GATB: variants seen among roughly 807,000 people sequenced by gnomAD.
The protein encoded by GATB is glutamyl-tRNA amidotransferase subunit B.
Under a neutral mutation model 62.3 loss-of-function variants are expected in GATB, and 39 were observed. The observed-to-expected ratio is 0.63, with a 90% confidence interval of 0.48 to 0.82. The LOEUF is 0.82. GATB is among the 40% of genes least tolerant of loss of function. The pLI is 0.00. For synonymous variants in GATB, 276 were observed against 258.9 expected (o/e 1.07, Z -0.63); for missense variants, 670 against 684.0 (o/e 0.98, Z 0.23).
chr4:151,700,980 A>C (rs888809190), intron 9 of GATB, among the ~76,000 whole-genome samples: 2 of 152,186 alleles, frequency 1.3e-5, no homozygotes, highest in African/African-American at 4.8e-5. Context: ...GAAACCCTAT[A>C]CATTGATTTT....
chr4:151,699,586 C>G (rs1322458614), intron 9 of GATB, among the ~76,000 whole-genome samples: 1 of 152,088 alleles, frequency 6.6e-6, no homozygotes, highest in African/African-American at 2.4e-5. Context: ...ATGTCCCTGC[C>G]CTCATGGAGC....
At chr4:151,701,139 G>A (rs991447152) in intron 9 of GATB, among the ~76,000 whole-genome samples, 190 bp downstream of exon 9, 1 of 152,164 alleles carries the variant, frequency 6.6e-6, no homozygotes. Flanking sequence ...GTTGTATGAA[G>A]AGCATTTACC....
chr4:151,718,234 G>A (rs1418065222), intron 3 of GATB, among the ~76,000 whole-genome samples: 3 of 152,130 alleles, frequency 2.0e-5, no homozygotes, highest in Non-Finnish European at 2.9e-5. Flanking sequence ...AGGCTAACCC[G>A]TTTTCTATGC....
At chr4:151,692,358 A>G (rs1168591992) in intron 9 of GATB, among the ~76,000 whole-genome samples, 1 of 152,220 alleles carries the variant, frequency 6.6e-6, no homozygotes, top group African/African-American at 2.4e-5. Context: ...TGCCAGGCGC[A>G]ATGGGAGGCA....
In GATB at chr4:151,697,963, A is replaced by ATATG. The variant is rs1553967150; in HGVS notation, c.1197+3365_1197+3366insCATA. ...TGTGTGTGTGTGTGTGTATATATAT[A>ATATG]TATATATATATATATATATATATAT... On this transcript the variant is annotated intron_variant, in intron 9 of 12. Coordinates refer to ENST00000263985, the MANE Select transcript of GATB (RefSeq NM_004564.3). 2.6e-5 allele frequency among the ~76,000 whole-genome samples: 3 copies of ATATG among 116,708 alleles called. 1 individual carries two copies. Among genetic ancestry groups the ATATG allele is most frequent in the African/African-American group, 1.2e-4 (3 of 24,414 alleles). 76.6% of individuals were successfully genotyped at this position (116,708 alleles called of 152,430 possible).
rs11292952 is a variant in GATB, at chr4:151,688,768, T to TA, written c.1198-6dup. The TA allele has an allele frequency of 5.5e-3, 7,732 of 1,411,192 alleles. No individual in the cohort carries two copies. The highest frequency in any genetic ancestry group is 5.9e-3 in the Admixed American group (253 of 42,532). The allele number at this position is 1,411,192 out of a possible 1,614,324, so 87.4% of individuals were successfully genotyped here. Reference sequence around the variant, plus strand: ...CTCCAGTAGGCCGACTTCGTTCTGTTAAAAAAAAAAAAAGAAAATTACATA... The same window carrying TA: ...CTCCAGTAGGCCGACTTCGTTCTGTTAAAAAAAAAAAAAAGAAAATTACATA... On this transcript the variant is annotated splice_region_variant and splice_polypyrimidine_tract_variant and intron_variant, in intron 9 of 12. Coordinates refer to ENST00000263985, the MANE Select transcript of GATB (RefSeq NM_004564.3).
chr4:151,738,963 C>T (rs1263220326), intron 2 of GATB, among the ~76,000 whole-genome samples: 10 of 152,354 alleles, frequency 6.6e-5, no homozygotes, highest in Non-Finnish European at 1.3e-4. Context: ...CTCCTATCAA[C>T]TGGGGTTGGA....
rs1376418351 is a variant in GATB at position 151,758,855 on chromosome 4, A to C, written c.244T>G (p.Phe82Val). The C allele has an allele frequency of 6.2e-7, 1 of 1,611,538 alleles. No individual in the cohort carries two copies. Among genetic ancestry groups the C allele is most frequent in the Non-Finnish European group, 8.5e-7 (1 of 1,178,646 alleles). Residue 82 changes from phenylalanine (F) to valine (V), a missense_variant, in exon 2 of 13, where the codon TTC (phenylalanine) becomes GTC (valine). Physicochemically the swap from Phe to Val is conservative, Grantham distance 50. Transcript: ENST00000263985. ...HAQISSNSKL[F>V]SGSQVRFSAP... is the part of the protein sequence containing the mutation. ...GAAAAGCGAACTTGAGATCCAGAGA[A>C]GAGTTTAGAGTTGGAGGAAATCTGG...
At chr4:151,737,622 G>A (rs186147686) in intron 2 of GATB, among the ~76,000 whole-genome samples, 11 of 152,298 alleles carry the variant, frequency 7.2e-5, no homozygotes, top group African/African-American at 2.6e-4. Flanking sequence ...GCACATCAGA[G>A]GTCTTCACAG....
In GATB at chr4:151,751,887, C is replaced by T. The variant is rs527258853; in HGVS notation, c.327+6885G>A. ...TGTTAATTCCCTACTCTCATTTTTT[C>T]CTAGAATTCTTTATTCTGGAGCCAC... On this transcript the variant is annotated intron_variant, in intron 2 of 12. Coordinates refer to ENST00000263985, the MANE Select transcript of GATB (RefSeq NM_004564.3). Among the ~76,000 whole-genome samples, 23 of 152,166 alleles carry T rather than the reference C, an allele frequency of 1.5e-4. No homozygotes were observed. In the East Asian group the frequency reaches 4.1e-3, roughly 27 times the overall value.
intron 9 of GATB, among the ~76,000 whole-genome samples, chr4:151,697,768 G>A (rs577251185): frequency 6.8e-6 from 1 of 148,144 alleles, no homozygotes; most frequent in East Asian, 2.0e-4. Flanking sequence ...AAATCAAGTT[G>A]CCTTGATTTC....
intron 2 of GATB, among the ~76,000 whole-genome samples, chr4:151,726,075 T>C (rs1448959159): frequency 1.3e-5 from 2 of 152,354 alleles, no homozygotes; most frequent in South Asian, 2.1e-4. Flanking sequence ...AATTACTCTG[T>C]GAAACTGATG....
chr4:151,684,127 A>T (rs2126958311), intron 10 of GATB, among the ~76,000 whole-genome samples: 1 of 152,288 alleles, frequency 6.6e-6, no homozygotes, highest in South Asian at 2.1e-4. Context: ...TGTGGGACAC[A>T]TCTTCCTCTC....
intron 11 of GATB, chr4:151,675,156 C>T (rs556963921): frequency 6.6e-6 from 1 of 152,248 alleles, no homozygotes; most frequent in South Asian, 2.1e-4. Context: ...AGAAGCAGTG[C>T]ACCTCTAGGA....
intron 7 of GATB, among the ~76,000 whole-genome samples, chr4:151,704,342 T>G: frequency 6.6e-6 from 1 of 152,216 alleles, no homozygotes; most frequent in East Asian, 1.9e-4. Context: ...GCAGGTAAGC[T>G]GGAAGCAGAG....
At chr4:151,707,408 C>G (rs1009936241) in intron 6 of GATB, among the ~76,000 whole-genome samples, 1 of 152,186 alleles carries the variant, frequency 6.6e-6, no homozygotes, top group Non-Finnish European at 1.5e-5. Flanking sequence ...ATCCTCCCAC[C>G]TCAGCCTCTT....
chr4:151,679,923 C>T (rs1738100763), intron 10 of GATB, 32 bp from the exon 11 acceptor site: 2 of 1,587,976 alleles, frequency 1.3e-6, no homozygotes, highest in Non-Finnish European at 1.7e-6. Flanking sequence ...AACACATTTA[C>T]ATTGCACACT....
intron 2 of GATB, chr4:151,720,148 GCACCTGGTGCTCCAGTTCCCTCTGGGTGC>G (rs1179062987): frequency 1.3e-5 from 2 of 152,272 alleles, no homozygotes; most frequent in East Asian, 3.9e-4. Flanking sequence ...CTCTCTGGGG[GCACCTGGTGCTCCAGTTCCCTCTGGGTGC>G]CACCCTGTCC....
At chr4:151,745,475 G>A (rs775339617) in intron 2 of GATB, among the ~76,000 whole-genome samples, 5 of 152,184 alleles carry the variant, frequency 3.3e-5, no homozygotes, top group Non-Finnish European at 5.9e-5. Context: ...TAGCTTGAAC[G>A]AAATCTGTCA....
Sources: allele counts gnomAD v4.1 joint callset (sites outside exome capture counted in the v4.1 genomes callset), GRCh38; gene constraint gnomAD v4.1.1; transcripts MANE v1.5; gene names NCBI Gene and HGNC (gene_info 2026-07-23, HGNC 2026-07-21).